Variants in GRID2 observed in about 807,000 individuals in gnomAD.
The protein encoded by GRID2 is glutamate receptor ionotropic, delta-2.
In GRID2, 33 loss-of-function variants were observed where a neutral mutation model predicts 114.8. The ratio of observed to expected loss-of-function variants is 0.29; its 90% confidence interval spans 0.22 to 0.38. The LOEUF is 0.38. GRID2 is among the 10% of genes least tolerant of loss of function. GRID2 has a pLI of 1.00. For missense variants in GRID2, 1,184 were observed against 1,257.7 expected, an observed-to-expected ratio of 0.94 and a Z score of 0.89; for synonymous variants, 505 against 449.9, an observed-to-expected ratio of 1.12 and a Z score of -1.55.
At position 92,427,260 on chromosome 4, in the gene GRID2, A is replaced by G. The variant is rs181965636; in HGVS notation, c.88+122516A>G. ...TGGGTTCCAATTATGGGACCTTATC[A>G]GTATTTAGACGACATTCTTGATCTA... On this transcript the variant is annotated intron_variant, in intron 1 of 15. Transcript: ENST00000282020. Among the ~76,000 whole-genome samples the G allele has an allele frequency of 1.5e-3, 221 of 152,242 alleles. 1 individual carries two copies. The highest frequency in any genetic ancestry group is 5.0e-3 in the African/African-American group (207 of 41,554).
chr4:92,649,284 GGTGAAATTCAAAGTTT>G (rs1303377622), intron 2 of GRID2, among the ~76,000 whole-genome samples: 2 of 149,400 alleles, frequency 1.3e-5, no homozygotes, highest in African/African-American at 5.0e-5. Flanking sequence ...GAAAGCTCAT[GGTGAAATTCAAAGTTT>G]GAAGGCTTGA....
intron 2 of GRID2, among the ~76,000 whole-genome samples, chr4:92,944,322 A>G (rs986912989): frequency 6.6e-6 from 1 of 152,146 alleles, no homozygotes; most frequent in Non-Finnish European, 1.5e-5. Context: ...TTGATCTCAG[A>G]CTGCTGTGCT....
chr4:93,605,560 G>C (rs1740147392), intron 13 of GRID2, among the ~76,000 whole-genome samples: 1 of 152,166 alleles, frequency 6.6e-6, no homozygotes, highest in Non-Finnish European at 1.5e-5. Flanking sequence ...CAATGTTTGA[G>C]AATTGGAATA....
chr4:93,139,750 A>G (rs2149384799), intron 4 of GRID2, among the ~76,000 whole-genome samples: 1 of 151,982 alleles, frequency 6.6e-6, no homozygotes, highest in African/African-American at 2.4e-5. Flanking sequence ...ACACACACAC[A>G]CACACACACA....
intron 9 of GRID2, among the ~76,000 whole-genome samples, chr4:93,414,243 C>T (rs559823200): frequency 6.6e-6 from 1 of 152,234 alleles, no homozygotes; most frequent in African/African-American, 2.4e-5. Context: ...AATTGATCTC[C>T]CAGCTTCTTC....
intron 2 of GRID2, among the ~76,000 whole-genome samples, chr4:92,965,546 A>G (rs1753105247): frequency 6.8e-6 from 1 of 147,860 alleles, no homozygotes; most frequent in African/African-American, 2.5e-5. Context: ...AGGTATGGCT[A>G]TATCTGCTCC....
At chr4:92,898,605 A>T (rs1262375278) in intron 2 of GRID2, among the ~76,000 whole-genome samples, 2 of 152,164 alleles carry the variant, frequency 1.3e-5, no homozygotes, top group African/African-American at 2.4e-5. Context: ...TGATTGCAGA[A>T]GAGGAGAGAA....
At chr4:93,378,546 T>G (rs993936934) in intron 8 of GRID2, among the ~76,000 whole-genome samples, 6 of 152,100 alleles carry the variant, frequency 3.9e-5, no homozygotes, top group Non-Finnish European at 5.9e-5. Context: ...TATAATAAAA[T>G]CTCATACATT....
intron 2 of GRID2, among the ~76,000 whole-genome samples, chr4:93,028,602 G>A (rs966870034): frequency 2.0e-5 from 3 of 151,750 alleles, no homozygotes; most frequent in East Asian, 1.9e-4. Flanking sequence ...TTATATATAC[G>A]TACGACATTT....
intron 2 of GRID2, among the ~76,000 whole-genome samples, chr4:92,596,669 G>C (rs917170600): frequency 4.6e-5 from 7 of 151,204 alleles, no homozygotes; most frequent in African/African-American, 1.7e-4. Flanking sequence ...TTCTATGCTT[G>C]TTAGAGACAA....
At chr4:92,794,025 G>C (rs1228824113) in intron 2 of GRID2, among the ~76,000 whole-genome samples, 1 of 151,906 alleles carries the variant, frequency 6.6e-6, no homozygotes, top group East Asian at 1.9e-4. Context: ...CTGGAATGCC[G>C]ATTAGTGGCC....
chr4:92,510,289 T>C (rs1724181819), intron 1 of GRID2, among the ~76,000 whole-genome samples: 1 of 151,908 alleles, frequency 6.6e-6, no homozygotes. Context: ...TGTCATTTAC[T>C]GAGATGGAGA....
intron 2 of GRID2, among the ~76,000 whole-genome samples, chr4:92,728,547 T>G (rs1736173320): frequency 6.6e-6 from 1 of 151,940 alleles, no homozygotes; most frequent in East Asian, 1.9e-4. Context: ...TAAAAGAGAA[T>G]GAGACCAAGT....
chr4:92,914,452 T>G (rs1329232612), intron 2 of GRID2, among the ~76,000 whole-genome samples: 3 of 152,152 alleles, frequency 2.0e-5, no homozygotes, highest in Non-Finnish European at 4.4e-5. Flanking sequence ...GGAGTGTAAG[T>G]GCAGGTTTGT....
intron 1 of GRID2, among the ~76,000 whole-genome samples, chr4:92,422,079 G>T (rs1199198269): frequency 6.6e-6 from 1 of 152,102 alleles, no homozygotes; most frequent in East Asian, 1.9e-4. Context: ...CCCTTTTTGA[G>T]TAAGGTGGAT....
At chr4:93,128,027 CA>C (rs1008311457) in intron 4 of GRID2, among the ~76,000 whole-genome samples, 182 of 20,342 alleles carry the variant, frequency 8.9e-3, no homozygotes, top group African/African-American at 0.017. Context: ...TCCCCCGCAA[CA>C]AAAAAAAAAA....
At chr4:93,209,400 C>G (rs1045575919) in intron 5 of GRID2, among the ~76,000 whole-genome samples, 2 of 151,946 alleles carry the variant, frequency 1.3e-5, no homozygotes, top group Admixed American at 6.6e-5. Flanking sequence ...GCTTCCAGCT[C>G]CATTCATATT....
chr4:92,607,322 A>G (rs17019702), intron 2 of GRID2, among the ~76,000 whole-genome samples: 36,714 of 151,914 alleles, frequency 0.24, 4,568 homozygotes, highest in South Asian at 0.33. Flanking sequence ...TTAAGCCTCT[A>G]CTTTGGTTAA....
intron 2 of GRID2, among the ~76,000 whole-genome samples, chr4:92,807,001 T>A (rs971837550): frequency 2.0e-5 from 3 of 151,998 alleles, no homozygotes; most frequent in Non-Finnish European, 4.4e-5. Context: ...AAAAGAAATA[T>A]GTCAATTGTT....
Sources: gnomAD v4.1 joint callset for allele counts (sites outside exome capture counted in the v4.1 genomes callset) on GRCh38, gnomAD v4.1.1 for gene constraint, MANE v1.5 for transcripts, NCBI Gene and HGNC (gene_info 2026-07-23, HGNC 2026-07-21) for gene names.